The following TAFA4 variants were observed in gnomAD, a reference collection of about 807,000 sequenced individuals.
TAFA4 encodes the protein chemokine-like protein TAFA-4.
Under a neutral mutation model 21.1 loss-of-function variants are expected in TAFA4, and 20 were observed. The observed-to-expected ratio is 0.95, with a 90% CI of 0.67 to 1.38. The LOEUF is 1.38. TAFA4 is among the 40% of genes most tolerant of loss of function. TAFA4 has a pLI of 0.00. For missense variants in TAFA4, 211 were observed against 180.9 expected (o/e 1.17, Z -0.95); for synonymous variants, 71 against 67.4 (o/e 1.05, Z -0.26).
intron 4 of TAFA4, among the ~76,000 whole-genome samples, chr3:68,746,228 A>T (rs1702456169): frequency 6.6e-6 from 1 of 152,022 alleles, no homozygotes; most frequent in Non-Finnish European, 1.5e-5. Flanking sequence ...TGGGTCTAGG[A>T]CTGGCTTCCC....
intron 3 of TAFA4, among the ~76,000 whole-genome samples, chr3:68,847,642 G>A (rs994267031): frequency 3.9e-5 from 6 of 152,210 alleles, no homozygotes; most frequent in African/African-American, 9.6e-5. Flanking sequence ...ATAGGCACCC[G>A]AGGGAATCTC....
chr3:68,839,756 A>G (rs1043608916), intron 3 of TAFA4, among the ~76,000 whole-genome samples: 2 of 152,176 alleles, frequency 1.3e-5, no homozygotes, highest in African/African-American at 4.8e-5. Context: ...TTTGTTGCAA[A>G]GGAGGTGCTG....
chr3:68,785,803 G>A (rs1703249244), intron 3 of TAFA4, among the ~76,000 whole-genome samples: 1 of 152,174 alleles, frequency 6.6e-6, no homozygotes, highest in African/African-American at 2.4e-5. Context: ...GAGAGTGAGC[G>A]AGGGCTGTGA....
At chr3:68,926,091 G>T (rs929042103) in intron 1 of TAFA4, among the ~76,000 whole-genome samples, 1 of 152,056 alleles carries the variant, frequency 6.6e-6, no homozygotes, top group Admixed American at 6.5e-5. Flanking sequence ...AATTAGCCAG[G>T]CATGGTGGCG....
intron 3 of TAFA4, among the ~76,000 whole-genome samples, chr3:68,774,865 A>T (rs1453430936): frequency 6.6e-6 from 1 of 152,196 alleles, no homozygotes; most frequent in Non-Finnish European, 1.5e-5. Context: ...TTGTGTAGCT[A>T]AAATTTATAA....
At chr3:68,744,041 A>T (rs1419433260) in intron 4 of TAFA4, among the ~76,000 whole-genome samples, 1 of 152,238 alleles carries the variant, frequency 6.6e-6, no homozygotes, top group Non-Finnish European at 1.5e-5. Context: ...ATAAATGTTG[A>T]CAGAGCTTAG....
At chr3:68,868,692 A>G (rs1486321454) in intron 3 of TAFA4, among the ~76,000 whole-genome samples, 1 of 152,052 alleles carries the variant, frequency 6.6e-6, no homozygotes, top group African/African-American at 2.4e-5. Context: ...AATTCATGAA[A>G]GGAATGAAAA....
chr3:68,739,325 T>C, intron 4 of TAFA4, 126 bp from the exon 5 acceptor site: 1 of 1,165,408 alleles, frequency 8.6e-7, no homozygotes, highest in Non-Finnish European at 1.2e-6. Context: ...GTTGGTAAAT[T>C]GAAGGAATCC....
chr3:68,843,023 T>G (rs1409849513), intron 3 of TAFA4, among the ~76,000 whole-genome samples: 4 of 152,216 alleles, frequency 2.6e-5, no homozygotes, highest in Admixed American at 1.3e-4. Context: ...TATGGGCTCT[T>G]TTTCAGTTCC....
chr3:68,844,245 G>A (rs1334317160), intron 3 of TAFA4, among the ~76,000 whole-genome samples: 2 of 152,024 alleles, frequency 1.3e-5, no homozygotes, highest in African/African-American at 4.8e-5. Flanking sequence ...TTTAGTCTTG[G>A]GAGGGTGTAT....
At position 68,733,093 on chromosome 3, in the gene TAFA4, G is replaced by T; in HGVS notation, c.*49C>A. On this transcript the variant is annotated 3_prime_UTR_variant, in exon 6 of 6. Transcript: ENST00000295569. ...CCATGATGGGAATCCAAGCAAAAGA[G>T]CTCCGCCTCCTGCTGCCCCTCCAGG... The T allele has an allele frequency of 6.2e-7, 1 of 1,610,916 alleles. No individual in the cohort carries two copies. The highest frequency in any genetic ancestry group is 8.5e-7 in the Non-Finnish European group (1 of 1,178,496).
At chr3:68,793,850 G>A (rs1011778928) in intron 3 of TAFA4, among the ~76,000 whole-genome samples, 5 of 152,102 alleles carry the variant, frequency 3.3e-5, no homozygotes, top group Admixed American at 6.5e-5. Flanking sequence ...TTTACCTGCC[G>A]GTCTATATAA....
chr3:68,757,235 T>C (rs1039590447), intron 3 of TAFA4, among the ~76,000 whole-genome samples: 2 of 152,148 alleles, frequency 1.3e-5, no homozygotes, highest in Non-Finnish European at 2.9e-5. Context: ...AGTCACCTTC[T>C]TGCTGTGTCC....
chr3:68,905,834 T>C (rs2089894989), intron 1 of TAFA4, among the ~76,000 whole-genome samples: 1 of 152,152 alleles, frequency 6.6e-6, no homozygotes, highest in African/African-American at 2.4e-5. Context: ...GGTGATAAGA[T>C]CTGTACAAGA....
chr3:68,931,231 T>C (rs1378393470), intron 1 of TAFA4, among the ~76,000 whole-genome samples: 1 of 151,748 alleles, frequency 6.6e-6, no homozygotes, highest in East Asian at 1.9e-4. Flanking sequence ...ATTGAAAAGT[T>C]AAAAGGGAAA....
At chr3:68,742,615 G>A (rs1319741084) in intron 4 of TAFA4, among the ~76,000 whole-genome samples, 2 of 152,106 alleles carry the variant, frequency 1.3e-5, no homozygotes, top group African/African-American at 4.8e-5. Context: ...TACACATGAG[G>A]TACAGTGTAT....
At chr3:68,754,030 TTCA>T (rs1702613132) in intron 3 of TAFA4, among the ~76,000 whole-genome samples, 1 of 152,086 alleles carries the variant, frequency 6.6e-6, no homozygotes, top group African/African-American at 2.4e-5. Context: ...TTCACCCAGG[TTCA>T]CCAGTTAATA....
rs1362188305 is a variant in TAFA4 at position 68,791,750 on chromosome 3, G to T, written c.131-38732C>A. Among the ~76,000 whole-genome samples, 3 of 152,146 alleles carry T rather than the reference G, an allele frequency of 2.0e-5. No homozygotes were observed. The East Asian group carries it at 5.8e-4, about 29-fold the overall frequency. On this transcript the variant is annotated intron_variant, in intron 3 of 5. Coordinates refer to ENST00000295569, the MANE Select transcript of TAFA4 (RefSeq NM_182522.5). ...AAAGACTACAAGGTAAATAAGAAAG[G>T]CAGCTATGTTACCTAGTAGGACACA...
At chr3:68,832,607 G>T (rs1704426404) in intron 3 of TAFA4, among the ~76,000 whole-genome samples, 1 of 152,170 alleles carries the variant, frequency 6.6e-6, no homozygotes, top group Admixed American at 6.5e-5. Flanking sequence ...AGCCCCTATT[G>T]GGAGGTGTCT....
Sources: allele counts gnomAD v4.1 joint callset (sites outside exome capture counted in the v4.1 genomes callset), GRCh38; gene constraint gnomAD v4.1.1; transcripts MANE v1.5; gene names NCBI Gene and HGNC (gene_info 2026-07-23, HGNC 2026-07-21).